SDK1: variants seen among roughly 807,000 people sequenced by gnomAD.
SDK1 encodes the protein protein sidekick-1.
SDK1 carries 157 observed loss-of-function variants against 245.5 expected under a neutral mutation model. The observed-to-expected ratio is 0.64, with a 90% CI of 0.56 to 0.73. The LOEUF is 0.73. Ranked by LOEUF, SDK1 falls within the 30% of genes least tolerant of loss-of-function variation. The probability of loss-of-function intolerance (pLI) is 0.00; values close to 1 mark genes in which losing one functional copy is unlikely to be tolerated. For missense variants in SDK1, 3,583 were observed against 3,002.3 expected, an observed-to-expected ratio of 1.19 and a Z score of -4.52; for synonymous variants, 1,647 against 1,278.5, an observed-to-expected ratio of 1.29 and a Z score of -6.15.
At chr7:3,547,189 A>AAT (rs1779250907) in intron 1 of SDK1, among the ~76,000 whole-genome samples, 1 of 152,174 alleles carries the variant, frequency 6.6e-6, no homozygotes, top group Admixed American at 6.5e-5. Flanking sequence ...TGTTGTAAGT[A>AAT]ATATATTAAC....
At chr7:3,431,591 G>A (rs12700868) in intron 1 of SDK1, among the ~76,000 whole-genome samples, 4,916 of 152,210 alleles carry the variant, frequency 0.032, 106 homozygotes, top group Non-Finnish European at 0.05. Context: ...AGTCCATGAA[G>A]TGGTGAGTGG....
intron 1 of SDK1, among the ~76,000 whole-genome samples, chr7:3,508,326 C>CTT (rs746963363): frequency 2.6e-4 from 36 of 136,196 alleles, no homozygotes; most frequent in African/African-American, 7.8e-4. Flanking sequence ...TCTTCTTCTT[C>CTT]TTTTTTTTTT....
chr7:3,761,801 C>T (rs1351910805), intron 4 of SDK1, among the ~76,000 whole-genome samples: 1 of 151,896 alleles, frequency 6.6e-6, no homozygotes, highest in Non-Finnish European at 1.5e-5. Flanking sequence ...TACAAACTGA[C>T]AACAAAAATC....
At chr7:3,441,293 G>A (rs1562488249) in intron 1 of SDK1, among the ~76,000 whole-genome samples, 1 of 152,068 alleles carries the variant, frequency 6.6e-6, no homozygotes, top group Non-Finnish European at 1.5e-5. Flanking sequence ...AGTACTATCT[G>A]GTTTCAGGCA....
At chr7:3,407,664 C>T (rs915680331) in intron 1 of SDK1, among the ~76,000 whole-genome samples, 2 of 152,176 alleles carry the variant, frequency 1.3e-5, no homozygotes, top group African/African-American at 4.8e-5. Flanking sequence ...TATAAACTCC[C>T]AAGCTGGATA....
intron 4 of SDK1, among the ~76,000 whole-genome samples, chr7:3,680,566 G>T (rs888368591): frequency 6.6e-6 from 1 of 152,106 alleles, no homozygotes; most frequent in African/African-American, 2.4e-5. Flanking sequence ...GTTTTACTTT[G>T]GGGGAAATTA....
At chr7:3,591,398 G>A (rs982668793) in intron 1 of SDK1, among the ~76,000 whole-genome samples, 1 of 152,192 alleles carries the variant, frequency 6.6e-6, no homozygotes, top group Non-Finnish European at 1.5e-5. Flanking sequence ...AAGGATCACT[G>A]GCCGCCTAGG....
chr7:4,078,259 A>G (rs1204853310), intron 21 of SDK1, among the ~76,000 whole-genome samples: 1 of 152,180 alleles, frequency 6.6e-6, no homozygotes, highest in African/African-American at 2.4e-5. Context: ...TAGTGGCTGG[A>G]GGCAAATCAA....
At chr7:3,523,494 T>C (rs1783013885) in intron 1 of SDK1, among the ~76,000 whole-genome samples, 1 of 152,140 alleles carries the variant, frequency 6.6e-6, no homozygotes. Context: ...TTTCTACCCC[T>C]CTCTGCCTGG....
intron 1 of SDK1, among the ~76,000 whole-genome samples, chr7:3,525,148 A>G (rs562754296): frequency 6.6e-6 from 1 of 152,062 alleles, no homozygotes; most frequent in African/African-American, 2.4e-5. Context: ...TGTAAATACT[A>G]TGCCATTTCC....
intron 5 of SDK1, among the ~76,000 whole-genome samples, chr7:3,894,472 TAGAA>T (rs1166256660): frequency 1.3e-5 from 2 of 151,910 alleles, no homozygotes; most frequent in Non-Finnish European, 2.9e-5. Flanking sequence ...CTTTCCTTCT[TAGAA>T]AGCCTCTAGG....
rs187118705 is a variant in SDK1 at position 3,957,270 on chromosome 7, G to C, written c.1151-1661G>C. Among the ~76,000 whole-genome samples, 252 of 152,298 alleles carry C rather than the reference G, an allele frequency of 1.7e-3. 1 individual carries two copies. Among genetic ancestry groups the C allele is most frequent in the African/African-American group, 5.9e-3 (246 of 41,554 alleles). ...ATGTTGCATGGGACGTGCATGTGCCGTCTTTTCACGCACACTTGAGCGCAG... is the reference window on the plus strand; with the variant it reads ...ATGTTGCATGGGACGTGCATGTGCCCTCTTTTCACGCACACTTGAGCGCAG... On this transcript the variant is annotated intron_variant, in intron 7 of 44. Coordinates refer to ENST00000404826, the MANE Select transcript of SDK1 (RefSeq NM_152744.4).
At chr7:4,218,261 C>T (rs1584471445) in intron 38 of SDK1, among the ~76,000 whole-genome samples, 3 of 152,126 alleles carry the variant, frequency 2.0e-5, no homozygotes, top group African/African-American at 7.2e-5. Flanking sequence ...GGCATGGTGG[C>T]ATGCGCCTGT....
At chr7:4,099,905 C>T (rs553367066) in intron 22 of SDK1, among the ~76,000 whole-genome samples, 2 of 152,144 alleles carry the variant, frequency 1.3e-5, no homozygotes, top group East Asian at 2.0e-4. Flanking sequence ...CCGGAGTGTC[C>T]GGGGCTGACC....
intron 5 of SDK1, among the ~76,000 whole-genome samples, chr7:3,911,481 G>T (rs79565620): frequency 6.6e-6 from 1 of 152,140 alleles, no homozygotes; most frequent in Admixed American, 6.5e-5. Flanking sequence ...CTCACATGGC[G>T]GAAAGGGCAG....
chr7:3,968,211 G>T (rs192450020), intron 10 of SDK1, among the ~76,000 whole-genome samples: 14 of 152,310 alleles, frequency 9.2e-5, no homozygotes, highest in African/African-American at 3.4e-4. Context: ...CGTGCCTTCT[G>T]CAGTCAACCT....
chr7:3,587,232 G>A (rs142832026), intron 1 of SDK1, among the ~76,000 whole-genome samples: 7 of 152,202 alleles, frequency 4.6e-5, no homozygotes, highest in African/African-American at 1.7e-4. Flanking sequence ...AGGGTCAGAG[G>A]GGATTTAGAG....
chr7:4,014,496 C>T (rs1786241155), intron 16 of SDK1, among the ~76,000 whole-genome samples: 1 of 152,228 alleles, frequency 6.6e-6, no homozygotes, highest in Admixed American at 6.5e-5. Context: ...GCATAATCCT[C>T]TGGTCTGCAC....
intron 1 of SDK1, among the ~76,000 whole-genome samples, chr7:3,557,316 C>G (rs2705599): frequency 0.017 from 2,622 of 152,294 alleles, 28 homozygotes; most frequent in Middle Eastern, 0.031. Context: ...AGATTACACT[C>G]ACACATTTTC....
Sources: allele counts gnomAD v4.1 joint callset (sites outside exome capture counted in the v4.1 genomes callset), GRCh38; gene constraint gnomAD v4.1.1; transcripts MANE v1.5; gene names NCBI Gene and HGNC (gene_info 2026-07-23, HGNC 2026-07-21).